MTCL3: variants seen among roughly 807,000 people sequenced by gnomAD.
MTCL3 encodes microtubule cross-linking factor 3.
the MTCL3 span, chr6:127,475,430 G>T: frequency 6.2e-6 from 10 of 1,612,980 alleles, no homozygotes; most frequent in South Asian, 1.1e-5. This position sits in a 1 kb window ranked among gnomAD's most constrained non-coding sequence, Gnocchi z 7.3. Flanking sequence ...TCGTGCTCCC[G>T]GATGCGGCTG....
the MTCL3 span, among the ~76,000 whole-genome samples, chr6:127,507,917 C>A: frequency 6.7e-6 from 1 of 149,660 alleles, no homozygotes; most frequent in African/African-American, 2.5e-5. Context: ...GGAAGAAAAG[C>A]TTTTCTATGC....
chr6:127,510,759 T>C, the MTCL3 span, among the ~76,000 whole-genome samples: 1 of 152,202 alleles, frequency 6.6e-6, no homozygotes, highest in Non-Finnish European at 1.5e-5. Flanking sequence ...AGACTGACAA[T>C]GAACATTCTC....
chr6:127,486,942 C>T, the MTCL3 span, among the ~76,000 whole-genome samples: 2 of 152,046 alleles, frequency 1.3e-5, no homozygotes, highest in African/African-American at 4.8e-5. Context: ...TAGAAGTCTC[C>T]TATGCTGTTG....
chr6:127,488,569 G>A, the MTCL3 span, among the ~76,000 whole-genome samples: 1 of 152,066 alleles, frequency 6.6e-6, no homozygotes, highest in Admixed American at 6.6e-5. Context: ...ATTTGTTTTG[G>A]AAGCGTTACT....
the MTCL3 span, among the ~76,000 whole-genome samples, chr6:127,494,645 A>G: frequency 6.6e-6 from 1 of 152,240 alleles, no homozygotes; most frequent in Non-Finnish European, 1.5e-5. Flanking sequence ...CTACCAGTGA[A>G]GTAGTTTATG....
the MTCL3 span, among the ~76,000 whole-genome samples, chr6:127,474,155 TAAA>T: frequency 6.7e-6 from 1 of 148,438 alleles, no homozygotes; most frequent in Non-Finnish European, 1.5e-5. Flanking sequence ...CAACTTATGG[TAAA>T]AAAAAAAAAG....
chr6:127,494,013 T>A, the MTCL3 span, among the ~76,000 whole-genome samples: 2 of 152,172 alleles, frequency 1.3e-5, no homozygotes, highest in South Asian at 4.1e-4. Flanking sequence ...AAGAGGAAAC[T>A]TTTAAGTCTT....
the MTCL3 span, chr6:127,483,067 C>A: frequency 5.5e-6 from 6 of 1,086,140 alleles, no homozygotes; most frequent in South Asian, 3.5e-5. Context: ...TAGTCTCAAA[C>A]GACAAAACCA....
the MTCL3 span, chr6:127,516,311 C>A: frequency 1.9e-6 from 3 of 1,583,760 alleles, no homozygotes; most frequent in Non-Finnish European, 2.6e-6. Flanking sequence ...GCCTTCTCGG[C>A]CCCACCTCCG....
At chr6:127,509,839 G>A in the MTCL3 span, among the ~76,000 whole-genome samples, 11 of 152,258 alleles carry the variant, frequency 7.2e-5, no homozygotes, top group African/African-American at 2.2e-4. Flanking sequence ...AATATTTACC[G>A]TTTTAGAGCA....
At chr6:127,483,098 T>C in the MTCL3 span, 1 of 805,244 alleles carries the variant, frequency 1.2e-6, no homozygotes, top group South Asian at 2.2e-5. Flanking sequence ...AAAGAGTTAG[T>C]TCAATAATCA....
chr6:127,503,560 A>G, the MTCL3 span, among the ~76,000 whole-genome samples: 8 of 152,202 alleles, frequency 5.3e-5, no homozygotes, highest in Non-Finnish European at 8.8e-5. Context: ...ACCAAAGCAC[A>G]AAGAAGTTAA....
At chr6:127,506,655 A>G in the MTCL3 span, among the ~76,000 whole-genome samples, 2 of 151,832 alleles carry the variant, frequency 1.3e-5, no homozygotes, top group Non-Finnish European at 2.9e-5. Context: ...ATCTTGGCTC[A>G]CTGCAAGCTC....
the MTCL3 span, chr6:127,517,717 A>AT: frequency 1.3e-5 from 2 of 152,316 alleles, no homozygotes; most frequent in South Asian, 4.1e-4. Flanking sequence ...GGTAAGATCA[A>AT]TTTCCAGTAT....
At chr6:127,498,977 T>C in the MTCL3 span, among the ~76,000 whole-genome samples, 3 of 152,194 alleles carry the variant, frequency 2.0e-5, no homozygotes, top group Non-Finnish European at 4.4e-5. Flanking sequence ...GGAAATGTCC[T>C]AAATTTGGGT....
the MTCL3 span, among the ~76,000 whole-genome samples, chr6:127,492,411 G>A: frequency 6.6e-6 from 1 of 152,060 alleles, no homozygotes; most frequent in African/African-American, 2.4e-5. Context: ...AAAAAAGAAT[G>A]TAAAAGGCTA....
chr6:127,491,339 T>C, the MTCL3 span, among the ~76,000 whole-genome samples: 1 of 152,206 alleles, frequency 6.6e-6, no homozygotes, highest in Non-Finnish European at 1.5e-5. Flanking sequence ...TTTTAGGGAA[T>C]TGTCATAGCC....
the MTCL3 span, among the ~76,000 whole-genome samples, chr6:127,484,927 G>T: frequency 6.6e-6 from 1 of 152,254 alleles, no homozygotes; most frequent in East Asian, 1.9e-4. Context: ...AGTTATCTCT[G>T]TGCTCCTCAG....
At chr6:127,475,182 G>C in the MTCL3 span, 7 of 1,208,802 alleles carry the variant, frequency 5.8e-6, no homozygotes, top group Middle Eastern at 5.8e-4. This position sits in a 1 kb window ranked among gnomAD's most constrained non-coding sequence, Gnocchi z 7.3. Context: ...CCCTGAGCGG[G>C]GGCTTCCCTC....
Sources: allele counts gnomAD v4.1 joint callset (sites outside exome capture counted in the v4.1 genomes callset), GRCh38; gene constraint gnomAD v4.1.1; non-coding constraint Gnocchi (gnomAD v3.1); transcripts MANE v1.5; gene names NCBI Gene and HGNC (gene_info 2026-07-23, HGNC 2026-07-21).